TPRG1: variants seen among roughly 807,000 people sequenced by gnomAD.
TPRG1 encodes the protein tumor protein p63 regulated 1, also known as tumor protein p63-regulated gene 1 protein.
TPRG1 carries 29 observed loss-of-function variants against 29.3 expected under a neutral mutation model. That is an observed-to-expected ratio of 0.99 (90% CI 0.74 to 1.35). TPRG1 has a LOEUF of 1.35. TPRG1 is among the 40% of genes most tolerant of loss of function. The pLI is 0.00. For synonymous variants in TPRG1, 130 were observed against 116.8 expected (o/e 1.11, Z -0.73); for missense variants, 327 against 335.0 (o/e 0.98, Z 0.19).
Position 189,022,465 on chromosome 3 carries a change from C to T in TPRG1, c.-659-1285C>T, listed in dbSNP as rs1246827194. The stretch of plus-strand genomic sequence containing the variant: ...TCCTTCTAACAGACAGGACCCTCAG[C>T]TGCAGGTCTGTTGGAGTACCCTGCA... On this transcript the variant is annotated intron_variant, in intron 3 of 10. Coordinates refer to the TPRG1 transcript ENST00000433971. Among the ~76,000 whole-genome samples, 7 of 151,484 alleles carry T rather than the reference C, an allele frequency of 4.6e-5. No homozygotes were observed. In the South Asian group the frequency reaches 6.3e-4, roughly 14 times the overall value.
chr3:189,228,479 TAATC>T (rs1452603291), intron 3 of TPRG1, among the ~76,000 whole-genome samples: 2 of 152,188 alleles, frequency 1.3e-5, no homozygotes, highest in East Asian at 3.8e-4. Context: ...TTTGGAAAAT[TAATC>T]AATATAATCA....
At chr3:189,045,872 T>C (rs1402028690) in intron 4 of TPRG1, among the ~76,000 whole-genome samples, 7 of 152,154 alleles carry the variant, frequency 4.6e-5, no homozygotes, top group Admixed American at 2.6e-4. Flanking sequence ...TGGGCAGCTA[T>C]GGTCTACATC....
At chr3:189,039,773 G>A (rs529763270) in intron 4 of TPRG1, among the ~76,000 whole-genome samples, 25 of 152,110 alleles carry the variant, frequency 1.6e-4, no homozygotes, top group African/African-American at 5.8e-4. Context: ...AGAAAAATAG[G>A]TGAAGCTTGT....
intron 3 of TPRG1, chr3:189,219,842 T>C (rs1736678800): frequency 6.1e-6 from 5 of 821,910 alleles, no homozygotes; most frequent in Non-Finnish European, 7.3e-6. Context: ...TTCTTCATCT[T>C]TATAAAAGAT....
chr3:189,315,278 T>TTGTGTGTG (rs34255648), intron 5 of TPRG1, among the ~76,000 whole-genome samples: 90 of 143,504 alleles, frequency 6.3e-4, no homozygotes, highest in African/African-American at 2.0e-3. Flanking sequence ...CCTGAAAGAA[T>TTGTGTGTG]TGTGTGTGTG....
In TPRG1 at chr3:189,131,762, C is replaced by T. The variant is rs558124082; in HGVS notation, c.-589-637C>T. On this transcript the variant is annotated intron_variant, in intron 2 of 6. Transcript: ENST00000412373. ...TAAGAGTGAGACATTGAACTTATAG[C>T]CAGAGGCATATTATTATGCTTGTGC... 1.1e-4 allele frequency among the ~76,000 whole-genome samples: 16 copies of T among 152,268 alleles called. 3 individuals carry two copies. In the South Asian group the frequency reaches 3.3e-3, roughly 32 times the overall value.
At chr3:189,036,745 T>C (rs1235578480) in intron 4 of TPRG1, among the ~76,000 whole-genome samples, 4 of 151,828 alleles carry the variant, frequency 2.6e-5, no homozygotes, top group Non-Finnish European at 4.4e-5. Context: ...TAGCAAAATA[T>C]AGAATAAAAA....
chr3:189,018,599 T>C (rs1291201925), intron 3 of TPRG1, among the ~76,000 whole-genome samples: 1 of 145,748 alleles, frequency 6.9e-6, no homozygotes, highest in Non-Finnish European at 1.5e-5. Flanking sequence ...TATCTCTGTT[T>C]TGGTACCAGT....
At chr3:189,250,229 C>T (rs1741952773) in intron 4 of TPRG1, among the ~76,000 whole-genome samples, 1 of 152,092 alleles carries the variant, frequency 6.6e-6, no homozygotes. Context: ...CTTTCTCTGG[C>T]CACCCTGGGC....
At chr3:189,310,644 T>C in intron 5 of TPRG1, 105 bp downstream of exon 5, 1 of 462,352 alleles carries the variant, frequency 2.2e-6, no homozygotes. Flanking sequence ...TAAAATAAAA[T>C]AAAATAAAAT....
chr3:189,090,430 ATT>A (rs1413106153), intron 4 of TPRG1, among the ~76,000 whole-genome samples: 1 of 152,062 alleles, frequency 6.6e-6, no homozygotes, highest in African/African-American at 2.4e-5. Flanking sequence ...AAAAATATAT[ATT>A]GTTAATTAAA....
chr3:189,243,957 C>T (rs1178028966), intron 4 of TPRG1, among the ~76,000 whole-genome samples: 8 of 152,180 alleles, frequency 5.3e-5, no homozygotes, highest in African/African-American at 9.7e-5. Context: ...GTTTCCTCAT[C>T]CTCCTGTCTT....
chr3:189,309,668 C>G (rs1424973957), intron 4 of TPRG1, among the ~76,000 whole-genome samples: 1 of 152,168 alleles, frequency 6.6e-6, no homozygotes, highest in Non-Finnish European at 1.5e-5. Context: ...CCTGTTATCT[C>G]AAGCTTACTT....
At chr3:189,051,292 C>T (rs1450845881) in intron 4 of TPRG1, among the ~76,000 whole-genome samples, 5 of 152,044 alleles carry the variant, frequency 3.3e-5, no homozygotes, top group African/African-American at 7.2e-5. Context: ...ACACCAACAG[C>T]GACCAAGCAG....
rs1160515714 is a variant in TPRG1 at position 189,156,358 on chromosome 3, A to T, written c.-10+5486A>T. On this transcript the variant is annotated intron_variant, in intron 5 of 6. Coordinates refer to the TPRG1 transcript ENST00000412373. ...GCCTGACCTCCAGAACTATAAGTAAAAAAAAAAAAAAATTATGTTGTGTTA... is the reference window on the plus strand; with the variant it reads ...GCCTGACCTCCAGAACTATAAGTAATAAAAAAAAAAAATTATGTTGTGTTA... 8.1e-4 allele frequency among the ~76,000 whole-genome samples: 122 copies of T among 150,780 alleles called. 1 individual carries two copies. Among genetic ancestry groups the T allele is most frequent in the South Asian group, 1.3e-3 (6 of 4,758 alleles).
At chr3:189,091,168 C>A (rs1162817504) in intron 4 of TPRG1, among the ~76,000 whole-genome samples, 1 of 151,940 alleles carries the variant, frequency 6.6e-6, no homozygotes, top group Non-Finnish European at 1.5e-5. Context: ...TGTCAACTAT[C>A]ATTATGTGGC....
At chr3:189,027,267 C>T (rs1407932458) in intron 4 of TPRG1, among the ~76,000 whole-genome samples, 1 of 152,180 alleles carries the variant, frequency 6.6e-6, no homozygotes, top group Non-Finnish European at 1.5e-5. Flanking sequence ...TTCACTCAGC[C>T]TGCCTCACTC....
At chr3:189,280,317 A>G (rs1021303085) in intron 4 of TPRG1, among the ~76,000 whole-genome samples, 1 of 152,186 alleles carries the variant, frequency 6.6e-6, no homozygotes, top group African/African-American at 2.4e-5. Flanking sequence ...AATAATATAT[A>G]TAAATGAATG....
intron 2 of TPRG1, among the ~76,000 whole-genome samples, chr3:189,211,399 C>A (rs1179616691): frequency 6.6e-6 from 1 of 152,120 alleles, no homozygotes; most frequent in Non-Finnish European, 1.5e-5. Flanking sequence ...ATATGAATTA[C>A]AAATTAGATT....
Sources: gnomAD v4.1 joint callset for allele counts (sites outside exome capture counted in the v4.1 genomes callset) on GRCh38, gnomAD v4.1.1 for gene constraint, MANE v1.5 for transcripts, NCBI Gene and HGNC (gene_info 2026-07-23, HGNC 2026-07-21) for gene names.